The following CRBN variants were observed in gnomAD, a reference collection of about 807,000 sequenced individuals.
The protein encoded by CRBN is protein cereblon.
CRBN carries 53 observed loss-of-function variants against 62.2 expected under a neutral mutation model. The ratio of observed to expected loss-of-function variants is 0.85; its 90% confidence interval spans 0.68 to 1.07. CRBN has a LOEUF of 1.07. Among genes scored for constraint, CRBN ranks in the 50% least tolerant of loss-of-function variants. The pLI, the probability that CRBN is intolerant of heterozygous loss-of-function variation, is 0.00. For synonymous variants in CRBN, 208 were observed against 176.1 expected, an observed-to-expected ratio of 1.18 and a Z score of -1.43; for missense variants, 616 against 531.1, an observed-to-expected ratio of 1.16 and a Z score of -1.57.
chr3:3,162,411 G>A (rs1292882999), intron 5 of CRBN, among the ~76,000 whole-genome samples: 1 of 152,052 alleles, frequency 6.6e-6, no homozygotes, highest in Admixed American at 6.5e-5. Flanking sequence ...GGGAGAAGAA[G>A]TAAACAGTTT....
intron 4 of CRBN, among the ~76,000 whole-genome samples, chr3:3,168,864 C>T (rs1005900561): frequency 2.0e-5 from 3 of 151,970 alleles, no homozygotes; most frequent in Non-Finnish European, 2.9e-5. Context: ...TACATGACTT[C>T]GGAAAATGTT....
At chr3:3,178,582 T>C (rs1258263934) in intron 1 of CRBN, among the ~76,000 whole-genome samples, 5 of 152,156 alleles carry the variant, frequency 3.3e-5, no homozygotes, top group African/African-American at 1.2e-4. Context: ...AAAGGCTTTT[T>C]CCCAAATCCT....
intron 5 of CRBN, among the ~76,000 whole-genome samples, chr3:3,164,513 T>G (rs1221577582): frequency 6.6e-6 from 1 of 152,206 alleles, no homozygotes; most frequent in Non-Finnish European, 1.5e-5. Context: ...AAGCCAATGC[T>G]CACTGGCCAT....
At chr3:3,176,310 G>C (rs1707821297) in intron 1 of CRBN, among the ~76,000 whole-genome samples, 1 of 152,152 alleles carries the variant, frequency 6.6e-6, no homozygotes, top group Admixed American at 6.5e-5. Context: ...ACTTCAATCA[G>C]TTCCTACATA....
chr3:3,163,555 A>G (rs1055424151), intron 5 of CRBN, among the ~76,000 whole-genome samples: 3 of 152,212 alleles, frequency 2.0e-5, no homozygotes, highest in African/African-American at 7.2e-5. Flanking sequence ...TAAATTTAAA[A>G]AGCAGTCTTA....
intron 5 of CRBN, chr3:3,156,580 TC>T (rs1418392914): frequency 1.9e-5 from 8 of 411,612 alleles, no homozygotes; most frequent in South Asian, 1.3e-4. Context: ...ACACCATACT[TC>T]TATTATGACC....
intron 5 of CRBN, among the ~76,000 whole-genome samples, chr3:3,165,834 T>C (rs908299729): frequency 2.6e-5 from 4 of 152,124 alleles, no homozygotes; most frequent in Non-Finnish European, 2.9e-5. Context: ...AGATGACACA[T>C]AGGGAACAAC....
chr3:3,155,858 G>A (rs1022623100), intron 6 of CRBN: 13 of 236,458 alleles, frequency 5.5e-5, no homozygotes, highest in African/African-American at 2.5e-4. Context: ...CCAGGCTGGA[G>A]TACAGTGACA....
chr3:3,172,578 C>G (rs1430647700), intron 4 of CRBN, 198 bp downstream of exon 4: 1 of 604,256 alleles, frequency 1.7e-6, no homozygotes, highest in Non-Finnish European at 2.9e-6. Context: ...GGAACTCAAG[C>G]TTCTATAGTT....
intron 1 of CRBN, among the ~76,000 whole-genome samples, chr3:3,178,541 A>T (rs1451498319): frequency 6.6e-6 from 1 of 152,124 alleles, no homozygotes; most frequent in Non-Finnish European, 1.5e-5. Context: ...TATCCTAAAT[A>T]TGTGCTTTTA....
chr3:3,163,274 C>G (rs116577551), intron 5 of CRBN, among the ~76,000 whole-genome samples: 1,964 of 152,284 alleles, frequency 0.013, 32 homozygotes, highest in Middle Eastern at 0.027. Flanking sequence ...CACCTAAAAC[C>G]TTTTAGGCCT....
chr3:3,167,498 G>A, intron 5 of CRBN, 136 bp downstream of exon 5: 1 of 830,022 alleles, frequency 1.2e-6, no homozygotes, highest in Non-Finnish European at 1.9e-6. Context: ...AATTTTTAGA[G>A]GATCAAATGT....
intron 1 of CRBN, among the ~76,000 whole-genome samples, chr3:3,176,699 G>A (rs1416461372): frequency 6.6e-6 from 1 of 152,208 alleles, no homozygotes; most frequent in Non-Finnish European, 1.5e-5. Flanking sequence ...TTGTGCTATT[G>A]CACTCCAGCC....
At chr3:3,154,552 A>G in intron 7 of CRBN, 195 bp downstream of exon 7, 2 of 581,882 alleles carry the variant, frequency 3.4e-6, no homozygotes, top group South Asian at 2.1e-5. Context: ...TGCTCACAGA[A>G]TATGAGGATT....
intron 5 of CRBN, among the ~76,000 whole-genome samples, chr3:3,166,169 C>T (rs1241084446): frequency 6.6e-6 from 1 of 152,044 alleles, no homozygotes; most frequent in Non-Finnish European, 1.5e-5. Context: ...TCCCACATGT[C>T]ATGGGAGGAA....
At chr3:3,154,148 T>C (rs1202838201) in intron 7 of CRBN, 73 bp from the exon 8 acceptor site, 5 of 876,116 alleles carry the variant, frequency 5.7e-6, no homozygotes, top group Non-Finnish European at 7.8e-6. Context: ...AATCGGATAA[T>C]ATCCTTTTGA....
intron 5 of CRBN, chr3:3,156,864 C>A (rs530215456): frequency 3.5e-4 from 53 of 152,368 alleles, no homozygotes; most frequent in Non-Finnish European, 5.1e-4. Flanking sequence ...AGGAGCATGC[C>A]TAAGTCCATA....
intron 1 of CRBN, among the ~76,000 whole-genome samples, chr3:3,176,428 C>A (rs1279003745): frequency 6.6e-6 from 1 of 152,188 alleles, no homozygotes; most frequent in East Asian, 1.9e-4. Flanking sequence ...ATTTCCCTGG[C>A]AGTCGCTACA....
At chr3:3,162,567 C>T (rs776330924) in intron 5 of CRBN, among the ~76,000 whole-genome samples, 7 of 152,148 alleles carry the variant, frequency 4.6e-5, no homozygotes, top group Non-Finnish European at 8.8e-5. Flanking sequence ...GTAGATAACA[C>T]AGAACACTTC....
Sources: gnomAD v4.1 joint callset for allele counts (sites outside exome capture counted in the v4.1 genomes callset) on GRCh38, gnomAD v4.1.1 for gene constraint, MANE v1.5 for transcripts, NCBI Gene and HGNC (gene_info 2026-07-23, HGNC 2026-07-21) for gene names.